Variants in LUM observed in about 807,000 individuals in gnomAD.
LUM encodes the protein lumican.
In LUM, 13 loss-of-function variants were observed where a neutral mutation model predicts 20.5. The ratio of observed to expected loss-of-function variants is 0.63; its 90% CI spans 0.41 to 1.01. LUM has a LOEUF of 1.01. Ranked by LOEUF, LUM falls within the 50% of genes least tolerant of loss-of-function variation. The pLI is 0.00. For synonymous variants in LUM, 173 were observed against 151.5 expected (o/e 1.14, Z -1.04); for missense variants, 321 against 391.1 (o/e 0.82, Z 1.51).
At chr12:91,107,273 A>AAGAGAG (rs1279464620) in intron 2 of LUM, among the ~76,000 whole-genome samples, 1 of 92,840 alleles carries the variant, frequency 1.1e-5, no homozygotes. Context: ...GAAAGAAAGA[A>AAGAGAG]AGAAAGAAAG....
intron 2 of LUM, among the ~76,000 whole-genome samples, chr12:91,107,149 A>C (rs1173228947): frequency 6.7e-6 from 1 of 149,800 alleles, no homozygotes; most frequent in East Asian, 2.0e-4. Context: ...CTGTCAAAAA[A>C]AAAAAGAAAG....
Position 91,108,005 on chromosome 12 carries a change from G to A in LUM, c.862+113C>T. ...TGGATTTACAGGAATGAGCCACAGC[G>A]CCCGGGCGACATTTTGTTTTTTTAA... On this transcript the variant is annotated intron_variant, in intron 2 of 2. Transcript: ENST00000266718. This position sits in a 1 kb window ranked among gnomAD's most constrained non-coding sequence, Gnocchi z 4.2. 8.1e-6 allele frequency: 10 copies of A among 1,232,750 alleles called. No homozygotes were observed. Among genetic ancestry groups the A allele is most frequent in the East Asian group, 4.7e-5 (2 of 42,924 alleles). 76.4% of individuals were successfully genotyped at this position (1,232,750 alleles called of 1,614,324 possible).
At chr12:91,106,943 A>G (rs11105989) in intron 2 of LUM, among the ~76,000 whole-genome samples, 4,699 of 151,828 alleles carry the variant, frequency 0.031, 246 homozygotes, top group East Asian at 0.26. Flanking sequence ...AGGCCAAGGC[A>G]GATGGATCAG....
rs374164456 is a variant in LUM, at chr12:91,106,690, TAAAAAAAA to T, written c.862+1420_862+1427del. Among the ~76,000 whole-genome samples the T allele has an allele frequency of 8.1e-4, 73 of 90,602 alleles. 1 individual carries two copies. The highest frequency in any genetic ancestry group is 3.2e-3 in the African/African-American group (70 of 21,876). The allele number at this position is 90,602 out of a possible 152,430, so 59.4% of individuals were successfully genotyped here. A position where few individuals can be genotyped will look rare whatever the true frequency, so the allele number is the denominator to read the frequency against. ...AAGCTCTGTAACACTATTTTTCTTC[TAAAAAAAA>T]AAAAAAAAAAAAAGATGTTAGAATC... is the stretch of plus-strand genomic sequence containing the variant. On this transcript the variant is annotated intron_variant, in intron 2 of 2. Transcript: ENST00000266718.
chr12:91,106,908 A>T (rs1374985875), intron 2 of LUM, among the ~76,000 whole-genome samples: 1 of 151,960 alleles, frequency 6.6e-6, no homozygotes, highest in Non-Finnish European at 1.5e-5. Context: ...ACAGTGGCTC[A>T]CGCCTGTAAT....
chr12:91,108,581 G>A lies in LUM; in HGVS notation c.399C>T (p.Gly133=). The stretch of plus-strand genomic sequence containing the variant: ...GATCCTCCAGAGATTTGGGAAGTGG[G>A]CCCACAGACTCTGTCAGGTTGTTGT... ...INHNNLTESV[G]PLPKSLEDLQ... The change falls in exon 2 of 3, where the codon GGC becomes GGT. Residue 133 remains glycine, a synonymous_variant. Coordinates refer to ENST00000266718, the MANE Select transcript of LUM (RefSeq NM_002345.4). The surrounding 1 kb of genome is among the most constrained non-coding windows in gnomAD (Gnocchi z 4.2). The A allele has an allele frequency of 6.2e-7, 1 of 1,611,394 alleles. No individual in the cohort carries two copies. Among genetic ancestry groups the A allele is most frequent in the Non-Finnish European group, 8.5e-7 (1 of 1,178,326 alleles).
At chr12:91,109,683 T>A (rs1317831773) in intron 1 of LUM, among the ~76,000 whole-genome samples, 1 of 152,208 alleles carries the variant, frequency 6.6e-6, no homozygotes, top group Non-Finnish European at 1.5e-5. Flanking sequence ...CTAAACAAAA[T>A]ATTAGTAATA....
In LUM at chr12:91,104,243, G is replaced by A. The variant is rs1879979473; in HGVS notation, c.939C>T (p.Gly313=). The A allele has an allele frequency of 6.2e-7, 1 of 1,612,732 alleles. No homozygotes were observed. The highest frequency in any genetic ancestry group is 8.5e-7 in the Non-Finnish European group (1 of 1,179,016). ...YSKIKHLRLD[G]NRISETSLPP... ...GAAGACTGGTTTCTGAGATGCGATT[G>A]CCATCCAAACGCAAATGCTTGATCT... The change falls in exon 3 of 3, where the codon GGC becomes GGT. Residue 313 remains glycine (G), a synonymous_variant. Coordinates refer to ENST00000266718, the MANE Select transcript of LUM (RefSeq NM_002345.4).
chr12:91,110,517 C>G (rs1322245143), intron 1 of LUM, among the ~76,000 whole-genome samples: 2 of 152,098 alleles, frequency 1.3e-5, no homozygotes, highest in Admixed American at 1.3e-4. Flanking sequence ...TTGCATAGCA[C>G]TAAAAAGAAC....
At position 91,104,023 on chromosome 12, in the gene LUM, T is replaced by G; in HGVS notation, c.*142A>C. The G allele has an allele frequency of 1.4e-6, 1 of 693,898 alleles. No homozygotes were observed. The highest frequency in any genetic ancestry group is 2.3e-6 in the Non-Finnish European group (1 of 427,866). 43.0% of individuals were successfully genotyped at this position (693,898 alleles called of 1,614,324 possible). On this transcript the variant is annotated 3_prime_UTR_variant, in exon 3 of 3. Transcript: ENST00000266718. ...AAATAGGCCTGCCTTTCATCTTTTC[T>G]TTAAAAAAAATAAATGTTTACAAAA...
chr12:91,106,023 A>C (rs1487913757), intron 2 of LUM, among the ~76,000 whole-genome samples: 1 of 152,194 alleles, frequency 6.6e-6, no homozygotes, highest in Non-Finnish European at 1.5e-5. Context: ...TGAATTTTCC[A>C]CTGGAAACAA....
At chr12:91,104,472 G>A (rs1879987246) in intron 2 of LUM, among the ~76,000 whole-genome samples, 153 bp from the exon 3 acceptor site, 1 of 152,010 alleles carries the variant, frequency 6.6e-6, no homozygotes, top group African/African-American at 2.4e-5. Flanking sequence ...AACCATTAAA[G>A]GCATATTTCA....
intron 1 of LUM, among the ~76,000 whole-genome samples, chr12:91,110,266 A>G (rs1186198330): frequency 6.6e-6 from 1 of 152,204 alleles, no homozygotes; most frequent in Non-Finnish European, 1.5e-5. Flanking sequence ...AAGCTTTTGG[A>G]TCAAAGTAGT....
chr12:91,109,233 T>C lies in LUM; in HGVS notation c.-21-233A>G, dbSNP rs535267191. ...TAGATTGCGTACACGTGCGCCCCCT[T>C]CTGGGCGAGCCCAGCCTAATTGTTC... On this transcript the variant is annotated intron_variant, in intron 1 of 2. Transcript: ENST00000266718. 2.1e-5 allele frequency among the ~76,000 whole-genome samples: 3 copies of C among 145,068 alleles called. No homozygotes were observed. The Admixed American group carries it at 2.1e-4, about 10-fold the overall frequency.
At chr12:91,105,769 C>T (rs1382980420) in intron 2 of LUM, among the ~76,000 whole-genome samples, 1 of 152,206 alleles carries the variant, frequency 6.6e-6, no homozygotes, top group Non-Finnish European at 1.5e-5. Flanking sequence ...GCCTTTCTCC[C>T]ATAGACCTCT....
At chr12:91,111,200 G>A (rs918890405) in intron 1 of LUM, among the ~76,000 whole-genome samples, 198 bp downstream of exon 1, 4 of 152,052 alleles carry the variant, frequency 2.6e-5, no homozygotes, top group Non-Finnish European at 4.4e-5. Flanking sequence ...AAGCAATACA[G>A]CATATACTGT....
rs766830259 is a variant in LUM, at chr12:91,104,332, G to T, written c.863-13C>A. 2.4e-5 allele frequency: 39 copies of T among 1,597,720 alleles called. No homozygotes were observed. Among genetic ancestry groups the T allele is most frequent in the Non-Finnish European group, 3.3e-5 (38 of 1,167,300 alleles). On this transcript the variant is annotated splice_polypyrimidine_tract_variant and intron_variant, in intron 2 of 2. Coordinates refer to ENST00000266718, the MANE Select transcript of LUM (RefSeq NM_002345.4). ...TTTATGTCAAACTCTAAAAATTAAA[G>T]AATAGAAAACATTAATCATTTTTCA...
intron 2 of LUM, among the ~76,000 whole-genome samples, chr12:91,107,245 A>AAGAAAGAAAG (rs1880071472): frequency 1.7e-4 from 5 of 28,602 alleles, no homozygotes; most frequent in African/African-American, 4.5e-4. Flanking sequence ...AAAGGAAAGA[A>AAGAAAGAAAG]AGAAAGAAAG....
chr12:91,107,810 G>A (rs1880115812), intron 2 of LUM, among the ~76,000 whole-genome samples: 1 of 151,888 alleles, frequency 6.6e-6, no homozygotes, highest in Non-Finnish European at 1.5e-5. Flanking sequence ...CTATCTCCCA[G>A]GTTCAAGCAA....
Sources: allele counts gnomAD v4.1 joint callset (sites outside exome capture counted in the v4.1 genomes callset), GRCh38; gene constraint gnomAD v4.1.1; non-coding constraint Gnocchi (gnomAD v3.1); transcripts MANE v1.5; gene names NCBI Gene and HGNC (gene_info 2026-07-23, HGNC 2026-07-21).